GRM7: variants seen among roughly 807,000 people sequenced by gnomAD.
GRM7 encodes the protein glutamate metabotropic receptor 7.
A neutral mutation model predicts 84.5 loss-of-function variants in GRM7; 35 were observed. The ratio of observed to expected loss-of-function variants is 0.41; its 90% CI spans 0.32 to 0.55. The LOEUF (loss-of-function observed/expected upper bound fraction) is 0.55, where lower values mean the gene tolerates loss of function less well. Ranked by LOEUF, GRM7 falls within the 20% of genes least tolerant of loss-of-function variation. The probability of loss-of-function intolerance (pLI) is 0.19; values close to 1 mark genes in which losing one functional copy is unlikely to be tolerated. For synonymous variants in GRM7, 487 were observed against 455.1 expected (o/e 1.07, Z -0.89); for missense variants, 1,003 against 1,194.6 (o/e 0.84, Z 2.36).
chr3:6,973,259 A>ATCAT (rs1443265257), intron 1 of GRM7, among the ~76,000 whole-genome samples: 1 of 152,080 alleles, frequency 6.6e-6, no homozygotes, highest in Non-Finnish European at 1.5e-5. Flanking sequence ...ATGGCACTCA[A>ATCAT]TCATTCATTC....
At chr3:7,577,952 G>A (rs902092906) in intron 7 of GRM7, among the ~76,000 whole-genome samples, 1 of 152,190 alleles carries the variant, frequency 6.6e-6, no homozygotes, top group African/African-American at 2.4e-5. Context: ...TAACAAAGGA[G>A]ATAAGTGTAG....
chr3:6,927,618 A>G (rs1697360404), intron 1 of GRM7, among the ~76,000 whole-genome samples: 1 of 152,150 alleles, frequency 6.6e-6, no homozygotes, highest in Admixed American at 6.5e-5. Flanking sequence ...AAATATCATC[A>G]TTGCTATTTT....
intron 9 of GRM7, among the ~76,000 whole-genome samples, chr3:7,725,264 GA>G (rs999300411): frequency 2.6e-5 from 4 of 152,140 alleles, no homozygotes; most frequent in African/African-American, 9.7e-5. Flanking sequence ...TGAAGAAAGA[GA>G]AACAGCCATC....
chr3:7,731,132 C>T (rs1323595851), intron 9 of GRM7, among the ~76,000 whole-genome samples: 4 of 150,674 alleles, frequency 2.7e-5, no homozygotes, highest in Non-Finnish European at 5.9e-5. Context: ...CTTTTCATGA[C>T]AGAACTGAAA....
chr3:7,063,485 T>A (rs1165994420), intron 1 of GRM7, among the ~76,000 whole-genome samples: 1 of 151,768 alleles, frequency 6.6e-6, no homozygotes, highest in African/African-American at 2.4e-5. Flanking sequence ...TAATTTTTTA[T>A]TTAATTAACT....
chr3:7,304,042 C>G (rs769092499), intron 3 of GRM7, among the ~76,000 whole-genome samples: 2 of 151,538 alleles, frequency 1.3e-5, no homozygotes, highest in East Asian at 1.9e-4. Flanking sequence ...TGGTAATGTG[C>G]GGCCTCATAT....
chr3:7,314,606 AG>A (rs1327489551), intron 4 of GRM7, among the ~76,000 whole-genome samples: 1 of 152,154 alleles, frequency 6.6e-6, no homozygotes, highest in Non-Finnish European at 1.5e-5. Flanking sequence ...GGGTGGTAAA[AG>A]CTGTAATTTC....
chr3:7,575,338 C>G (rs1531939), intron 7 of GRM7, among the ~76,000 whole-genome samples: 43,788 of 152,096 alleles, frequency 0.29, 6,503 homozygotes, highest in Middle Eastern at 0.4. Context: ...TTTTCTTAAT[C>G]TTTCTGCACC....
intron 1 of GRM7, among the ~76,000 whole-genome samples, chr3:7,042,300 A>G (rs542786081): frequency 6.6e-6 from 1 of 152,280 alleles, no homozygotes; most frequent in South Asian, 2.1e-4. Context: ...TGCAGAATTA[A>G]TGGCTTGCTT....
intron 2 of GRM7, among the ~76,000 whole-genome samples, chr3:7,161,386 C>A (rs1332742000): frequency 2.7e-5 from 4 of 148,378 alleles, no homozygotes; most frequent in African/African-American, 5.0e-5. Flanking sequence ...GGTGTTAACT[C>A]TTACGTGAAA....
intron 8 of GRM7, among the ~76,000 whole-genome samples, chr3:7,585,086 T>C (rs1175681840): frequency 4.6e-5 from 7 of 152,288 alleles, no homozygotes; most frequent in African/African-American, 1.4e-4. Flanking sequence ...TCACCTTGCT[T>C]TGGAACACAG....
At chr3:7,464,611 A>T (rs1174755567) in intron 7 of GRM7, among the ~76,000 whole-genome samples, 15 of 151,868 alleles carry the variant, frequency 9.9e-5, no homozygotes, top group Admixed American at 9.8e-4. Context: ...TGGGCAGATC[A>T]CGAGGTCAGG....
intron 4 of GRM7, among the ~76,000 whole-genome samples, chr3:7,380,122 A>G (rs946531636): frequency 6.6e-6 from 1 of 152,160 alleles, no homozygotes; most frequent in African/African-American, 2.4e-5. Context: ...TGGGAGGTCC[A>G]TATTTAGTTG....
chr3:7,430,846 A>G (rs1270759068), intron 5 of GRM7, among the ~76,000 whole-genome samples: 1 of 152,208 alleles, frequency 6.6e-6, no homozygotes, highest in African/African-American at 2.4e-5. Flanking sequence ...AACAAATATA[A>G]TAAAGATAAT....
At chr3:7,126,812 A>G (rs895108180) in intron 1 of GRM7, among the ~76,000 whole-genome samples, 1 of 152,032 alleles carries the variant, frequency 6.6e-6, no homozygotes, top group South Asian at 2.1e-4. Flanking sequence ...GGCCCATCAT[A>G]TATCTCTATC....
intron 9 of GRM7, among the ~76,000 whole-genome samples, chr3:7,738,907 A>ATTG (rs768408997): frequency 1.3e-5 from 2 of 152,136 alleles, no homozygotes; most frequent in Non-Finnish European, 2.9e-5. Context: ...AACCAAGCGT[A>ATTG]TTGTTGAAGA....
At chr3:7,198,851 C>A (rs955391857) in intron 2 of GRM7, among the ~76,000 whole-genome samples, 1 of 152,058 alleles carries the variant, frequency 6.6e-6, no homozygotes, top group Non-Finnish European at 1.5e-5. Context: ...TAGAGTGTTA[C>A]GTTTAACTCA....
At chr3:7,187,343 G>T (rs1313137899) in intron 2 of GRM7, among the ~76,000 whole-genome samples, 1 of 152,072 alleles carries the variant, frequency 6.6e-6, no homozygotes, top group Non-Finnish European at 1.5e-5. Context: ...TCTATAAGTA[G>T]CACATGTAAC....
chr3:6,966,311 C>T (rs577412241), intron 1 of GRM7, among the ~76,000 whole-genome samples: 2 of 152,126 alleles, frequency 1.3e-5, no homozygotes, highest in Non-Finnish European at 2.9e-5. Flanking sequence ...TTTGGTTGTT[C>T]TCTTTTGGAG....
Sources: allele counts gnomAD v4.1 joint callset (sites outside exome capture counted in the v4.1 genomes callset), GRCh38; gene constraint gnomAD v4.1.1; transcripts MANE v1.5; gene names NCBI Gene and HGNC (gene_info 2026-07-23, HGNC 2026-07-21).